Variants in AKAP19 observed in about 807,000 individuals in gnomAD.
AKAP19 encodes A-kinase anchoring protein 19.
At chr2:190,150,909 A>G in the AKAP19 span, among the ~76,000 whole-genome samples, 19 of 151,952 alleles carry the variant, frequency 1.3e-4, no homozygotes, top group Non-Finnish European at 2.8e-4. Flanking sequence ...TCAGTGTAAT[A>G]TTAATTTGTA....
the AKAP19 span, among the ~76,000 whole-genome samples, chr2:189,999,441 A>G: frequency 6.6e-6 from 1 of 152,148 alleles, no homozygotes; most frequent in Non-Finnish European, 1.5e-5. Flanking sequence ...ATAGAATATA[A>G]CTTTCTGTGA....
At chr2:189,911,280 A>G in the AKAP19 span, among the ~76,000 whole-genome samples, 3 of 152,246 alleles carry the variant, frequency 2.0e-5, no homozygotes, top group East Asian at 1.9e-4. Flanking sequence ...CCATTTGAAC[A>G]TATGGTTATA....
the AKAP19 span, among the ~76,000 whole-genome samples, chr2:190,186,568 AT>A: frequency 3.9e-5 from 6 of 152,156 alleles, no homozygotes; most frequent in Non-Finnish European, 7.3e-5. This position sits in a 1 kb window ranked among gnomAD's most constrained non-coding sequence, Gnocchi z 5.5. Context: ...TATATACAGT[AT>A]TTTGTAGCTT....
the AKAP19 span, among the ~76,000 whole-genome samples, chr2:189,921,640 G>A: frequency 1.3e-5 from 2 of 152,266 alleles, no homozygotes; most frequent in South Asian, 2.1e-4. Context: ...GCAATAAATA[G>A]CATGTGTATG....
At chr2:189,993,772 C>T in the AKAP19 span, among the ~76,000 whole-genome samples, 1 of 152,048 alleles carries the variant, frequency 6.6e-6, no homozygotes, top group African/African-American at 2.4e-5. Context: ...ACATCTCCTC[C>T]AGATTTTCCA....
chr2:189,972,390 T>G, the AKAP19 span, among the ~76,000 whole-genome samples: 3 of 152,228 alleles, frequency 2.0e-5, no homozygotes, highest in Non-Finnish European at 4.4e-5. Flanking sequence ...TGTAGTCTTG[T>G]AGTATAGTTT....
the AKAP19 span, chr2:190,181,235 A>C: frequency 1.2e-6 from 1 of 822,608 alleles, no homozygotes; most frequent in Non-Finnish European, 1.5e-6. Flanking sequence ...CTTTAATTAA[A>C]CGAGACCGTT....
At chr2:190,160,341 T>A in the AKAP19 span, among the ~76,000 whole-genome samples, 1 of 152,108 alleles carries the variant, frequency 6.6e-6, no homozygotes, top group Non-Finnish European at 1.5e-5. Context: ...GAATAAGATT[T>A]TTTTTTTAAC....
At chr2:190,159,349 C>T in the AKAP19 span, among the ~76,000 whole-genome samples, 1 of 152,104 alleles carries the variant, frequency 6.6e-6, no homozygotes. Flanking sequence ...TGTGCTGAGC[C>T]TTTGTATTCT....
chr2:189,886,916 A>G, the AKAP19 span, among the ~76,000 whole-genome samples: 1 of 151,898 alleles, frequency 6.6e-6, no homozygotes, highest in African/African-American at 2.4e-5. Context: ...ACAAAAATGC[A>G]GGCCCTGAAA....
chr2:190,158,232 C>G, the AKAP19 span, among the ~76,000 whole-genome samples: 1 of 152,202 alleles, frequency 6.6e-6, no homozygotes, highest in African/African-American at 2.4e-5. Flanking sequence ...GATTTTAAGG[C>G]AGTAGCTTGC....
the AKAP19 span, among the ~76,000 whole-genome samples, chr2:190,155,838 A>C: frequency 1.3e-5 from 2 of 152,188 alleles, no homozygotes; most frequent in African/African-American, 4.8e-5. Flanking sequence ...AAGAGGAAAA[A>C]AATTTTAAAG....
the AKAP19 span, among the ~76,000 whole-genome samples, chr2:190,177,318 T>G: frequency 6.6e-6 from 1 of 152,166 alleles, no homozygotes; most frequent in South Asian, 2.1e-4. This position sits in a 1 kb window ranked among gnomAD's most constrained non-coding sequence, Gnocchi z 4.6. Context: ...GCGTTACCTC[T>G]CTCTAGCGTA....
the AKAP19 span, chr2:190,199,994 A>T: frequency 1.2e-6 from 2 of 1,613,998 alleles, no homozygotes; most frequent in Non-Finnish European, 8.5e-7. Context: ...GTTAATGTCA[A>T]AGAGGAAGTG....
chr2:189,949,510 A>G, the AKAP19 span, among the ~76,000 whole-genome samples: 1 of 972 alleles, frequency 1.0e-3, no homozygotes, highest in Non-Finnish European at 2.4e-3. Flanking sequence ...CAAAAAAAGA[A>G]AAAAAAAAAG....
the AKAP19 span, among the ~76,000 whole-genome samples, chr2:190,148,712 A>C: frequency 3.3e-5 from 5 of 152,132 alleles, no homozygotes; most frequent in Non-Finnish European, 5.9e-5. Flanking sequence ...AGGGTATCTA[A>C]TTCTTCCTGA....
the AKAP19 span, among the ~76,000 whole-genome samples, chr2:190,182,888 TTC>T: frequency 6.6e-6 from 1 of 152,254 alleles, no homozygotes; most frequent in Admixed American, 6.5e-5. Flanking sequence ...AATTTCTTTT[TTC>T]TCTTGGCTTG....
chr2:189,960,525 A>G, the AKAP19 span, among the ~76,000 whole-genome samples: 282 of 152,264 alleles, frequency 1.9e-3, 2 homozygotes, highest in African/African-American at 6.1e-3. Context: ...TAACACAGTG[A>G]TTACTAGGAC....
At chr2:190,057,223 A>G in the AKAP19 span, 6 of 1,611,750 alleles carry the variant, frequency 3.7e-6, no homozygotes, top group Non-Finnish European at 5.1e-6. Flanking sequence ...AAAACCTTCC[A>G]TGTTTTAGGA....
Sources: gnomAD v4.1 joint callset for allele counts (sites outside exome capture counted in the v4.1 genomes callset) on GRCh38, gnomAD v4.1.1 for gene constraint, Gnocchi (gnomAD v3.1) non-coding constraint, MANE v1.5 for transcripts, NCBI Gene and HGNC (gene_info 2026-07-23, HGNC 2026-07-21) for gene names.